The following DNAH8 variants were observed in gnomAD, a reference collection of about 807,000 sequenced individuals.
DNAH8 encodes dynein axonemal heavy chain 8, also known as axonemal beta dynein heavy chain 8.
In DNAH8, 382 loss-of-function variants were observed where a neutral mutation model predicts 562.1. The ratio of observed to expected loss-of-function variants is 0.68; its 90% CI spans 0.63 to 0.74. The LOEUF (loss-of-function observed/expected upper bound fraction) is 0.74. Among genes scored for constraint, DNAH8 ranks in the 30% least tolerant of loss-of-function variants. The pLI, the probability that DNAH8 is intolerant of heterozygous loss-of-function variation, is 0.00. For missense variants in DNAH8, 5,203 were observed against 5,620.4 expected (o/e 0.93, Z 2.37); for synonymous variants, 1,881 against 1,919.4 (o/e 0.98, Z 0.52).
chr6:38,914,079 A>G, intron 67 of DNAH8, 127 bp downstream of exon 67: 1 of 667,234 alleles, frequency 1.5e-6, no homozygotes. Flanking sequence ...GATAGTGTTC[A>G]CAAAGACCAT....
chr6:38,988,530 A>G (rs778063482), intron 87 of DNAH8, among the ~76,000 whole-genome samples: 2 of 152,182 alleles, frequency 1.3e-5, no homozygotes, highest in Non-Finnish European at 2.9e-5. Context: ...GACCATGCTC[A>G]TAACACTATT....
chr6:38,911,721 G>A, intron 66 of DNAH8, 135 bp downstream of exon 66: 2 of 639,216 alleles, frequency 3.1e-6, no homozygotes, highest in Admixed American at 5.8e-5. Context: ...TTTAAAGGAT[G>A]GCCTTGAGGG....
intron 68 of DNAH8, among the ~76,000 whole-genome samples, chr6:38,915,957 A>G (rs1475184056): frequency 6.6e-6 from 1 of 152,192 alleles, no homozygotes; most frequent in East Asian, 1.9e-4. Flanking sequence ...GCTAATACAC[A>G]CACATATAAG....
At chr6:38,988,562 C>T (rs1320823018) in intron 87 of DNAH8, among the ~76,000 whole-genome samples, 1 of 152,164 alleles carries the variant, frequency 6.6e-6, no homozygotes, top group East Asian at 1.9e-4. Flanking sequence ...CTTTCAACTA[C>T]TCTCCATTTC....
rs1306767179 is a variant in DNAH8, at chr6:38,781,261, A to T, written c.2147A>T (p.His716Leu). 2.5e-6 allele frequency: 4 copies of T among 1,613,694 alleles called. No individual in the cohort carries two copies. The highest frequency in any genetic ancestry group is 3.4e-6 in the Non-Finnish European group (4 of 1,179,868). ...TCAGATTTTTAATTACAGCTTTATC[A>T]TTCTCAGAAAGATGACCCCCCTCTT... ...AELDATKKLY[H>L]SQKDDPPLAR... Residue 716 changes from histidine (H) to leucine (L), a missense_variant, in exon 16 of 93, where the codon CAT becomes CTT. By Grantham distance (99) the His-to-Leu change is moderately conservative. Coordinates refer to ENST00000327475, the MANE Select transcript of DNAH8 (RefSeq NM_001206927.2).
rs757897142 is a variant in DNAH8 at position 38,883,860 on chromosome 6, G to T, written c.8137-16G>T. On this transcript the variant is annotated splice_polypyrimidine_tract_variant and intron_variant, in intron 55 of 92. Coordinates refer to ENST00000327475, the MANE Select transcript of DNAH8 (RefSeq NM_001206927.2). Reference sequence around the variant, plus strand: ...TAAAATCTAATGCATAAGACAAAACGTTTCCTTCTCTCTAGAGAACAATTG... The same window carrying T: ...TAAAATCTAATGCATAAGACAAAACTTTTCCTTCTCTCTAGAGAACAATTG... 5 of 1,532,096 alleles carry T rather than the reference G, an allele frequency of 3.3e-6. No homozygotes were observed. In the African/African-American group the frequency reaches 5.5e-5, roughly 17 times the overall value. The allele number at this position is 1,532,096 out of a possible 1,614,324, so 94.9% of individuals were successfully genotyped here.
At chr6:38,853,664 T>C (rs1775946821) in intron 41 of DNAH8, among the ~76,000 whole-genome samples, 1 of 151,932 alleles carries the variant, frequency 6.6e-6, no homozygotes, top group Non-Finnish European at 1.5e-5. Flanking sequence ...CTCCTCGACT[T>C]ATGATGGGAT....
chr6:38,961,455 A>C (rs1368763691), intron 82 of DNAH8, among the ~76,000 whole-genome samples: 1 of 152,020 alleles, frequency 6.6e-6, no homozygotes, highest in Non-Finnish European at 1.5e-5. Context: ...TATGACTTTG[A>C]AAAGGAAGAA....
intron 4 of DNAH8, among the ~76,000 whole-genome samples, chr6:38,732,418 A>G (rs1339248793): frequency 6.6e-6 from 1 of 152,202 alleles, no homozygotes; most frequent in Non-Finnish European, 1.5e-5. Flanking sequence ...AGGGGAGGGT[A>G]GTAAATCCCT....
chr6:38,736,293 A>T (rs550180380), intron 5 of DNAH8, among the ~76,000 whole-genome samples: 1 of 152,306 alleles, frequency 6.6e-6, no homozygotes, highest in South Asian at 2.1e-4. Context: ...AACTAAGTAA[A>T]TGTAATCACA....
At chr6:38,941,051 C>T (rs1023773488) in intron 79 of DNAH8, among the ~76,000 whole-genome samples, 7 of 151,420 alleles carry the variant, frequency 4.6e-5, no homozygotes, top group African/African-American at 1.5e-4. Flanking sequence ...ACCAGGGAGT[C>T]GGAGGTTGCA....
At chr6:38,959,603 G>A (rs1762478122) in intron 82 of DNAH8, among the ~76,000 whole-genome samples, 1 of 152,010 alleles carries the variant, frequency 6.6e-6, no homozygotes, top group African/African-American at 2.4e-5. Flanking sequence ...AAACATTGAT[G>A]GAAGAAGTTG....
chr6:38,780,903 G>A (rs1043093857), intron 15 of DNAH8, among the ~76,000 whole-genome samples: 1 of 152,030 alleles, frequency 6.6e-6, no homozygotes, highest in Non-Finnish European at 1.5e-5. Context: ...AGCAAAGCCC[G>A]TTTAAGTTAG....
chr6:39,000,347 G>A (rs1408788830), intron 88 of DNAH8, among the ~76,000 whole-genome samples: 1 of 152,144 alleles, frequency 6.6e-6, no homozygotes, highest in African/African-American at 2.4e-5. Context: ...AGTGAGACAG[G>A]CTCCATTTAA....
At chr6:38,941,342 T>A (rs891715195) in intron 79 of DNAH8, among the ~76,000 whole-genome samples, 2 of 152,234 alleles carry the variant, frequency 1.3e-5, no homozygotes, top group African/African-American at 4.8e-5. Flanking sequence ...CTTTCTCTAC[T>A]TCATTTAATT....
In DNAH8 at chr6:38,904,860, A is replaced by C. The variant is rs553680279; in HGVS notation, c.9195-1394A>C. ...ACATGAAAAGTGGCAACTGATATGC[A>C]TGACGACACTTTCAGTGAAGTGGAT... is the stretch of plus-strand genomic sequence containing the variant. On this transcript the variant is annotated intron_variant, in intron 62 of 92. Transcript: ENST00000327475. Among the ~76,000 whole-genome samples, 7 of 151,922 alleles carry C rather than the reference A, an allele frequency of 4.6e-5. No individual in the cohort carries two copies. In the South Asian group the frequency reaches 1.2e-3, roughly 27 times the overall value.
rs1776924238 is a variant in DNAH8 at position 38,864,869 on chromosome 6, T to C, written c.6498+809T>C. Reference sequence around the variant, plus strand: ...AAAACTTCCTAGGTCACCCAGCCAGTAAGAGAAAGAAGAAGTTGTTGTCTC... The same window carrying C: ...AAAACTTCCTAGGTCACCCAGCCAGCAAGAGAAAGAAGAAGTTGTTGTCTC... On this transcript the variant is annotated intron_variant, in intron 45 of 92. Coordinates refer to ENST00000327475, the MANE Select transcript of DNAH8 (RefSeq NM_001206927.2). 2.0e-5 allele frequency among the ~76,000 whole-genome samples: 3 copies of C among 152,214 alleles called. No individual in the cohort carries two copies. The South Asian group carries it at 6.2e-4, about 32-fold the overall frequency.
chr6:38,867,991 AT>A, intron 47 of DNAH8, 70 bp from the exon 48 acceptor site: 1 of 1,502,722 alleles, frequency 6.7e-7, no homozygotes, highest in Non-Finnish European at 9.0e-7. Context: ...ACCTATATGC[AT>A]AGAGTGAGCC....
chr6:38,727,441 C>T (rs914607970), intron 3 of DNAH8, among the ~76,000 whole-genome samples: 2 of 152,186 alleles, frequency 1.3e-5, no homozygotes, highest in African/African-American at 4.8e-5. Flanking sequence ...CCCACTTGGC[C>T]CTGTTCCTGA....
Sources: gnomAD v4.1 joint callset for allele counts (sites outside exome capture counted in the v4.1 genomes callset) on GRCh38, gnomAD v4.1.1 for gene constraint, MANE v1.5 for transcripts, NCBI Gene and HGNC (gene_info 2026-07-23, HGNC 2026-07-21) for gene names.